The following AKAP6 variants were observed in gnomAD, a reference collection of about 807,000 sequenced individuals.
AKAP6 encodes the protein A-kinase anchoring protein 6, also known as A-kinase anchor protein 6.
Under a neutral mutation model 188.5 loss-of-function variants are expected in AKAP6, and 58 were observed. That is an observed-to-expected ratio of 0.31 (90% CI 0.25 to 0.38). The LOEUF (loss-of-function observed/expected upper bound fraction) is 0.38. AKAP6 is among the 10% of genes least tolerant of loss of function. The pLI is 1.00. For synonymous variants in AKAP6, 989 were observed against 998.6 expected, an observed-to-expected ratio of 0.99 and a Z score of 0.18; for missense variants, 2,710 against 2,740.0, an observed-to-expected ratio of 0.99 and a Z score of 0.24.
At chr14:32,530,860 C>G (rs1882379565) in intron 2 of AKAP6, among the ~76,000 whole-genome samples, 1 of 152,170 alleles carries the variant, frequency 6.6e-6, no homozygotes, top group Non-Finnish European at 1.5e-5. Flanking sequence ...ACCCCTCTCA[C>G]ATAAGCATAC....
chr14:32,695,724 G>A (rs1224948827), intron 8 of AKAP6, among the ~76,000 whole-genome samples: 2 of 152,096 alleles, frequency 1.3e-5, no homozygotes, highest in African/African-American at 4.8e-5. Context: ...CAAATCCTCA[G>A]AAAGGGTTAG....
At chr14:32,490,235 G>A (rs1879937765) in intron 2 of AKAP6, among the ~76,000 whole-genome samples, 1 of 151,550 alleles carries the variant, frequency 6.6e-6, no homozygotes, top group African/African-American at 2.4e-5. Context: ...CAGGCCATCT[G>A]GATGTATATG....
At chr14:32,689,309 A>C (rs892281859) in intron 8 of AKAP6, among the ~76,000 whole-genome samples, 1 of 152,090 alleles carries the variant, frequency 6.6e-6, no homozygotes, top group Non-Finnish European at 1.5e-5. Context: ...AGAATTTTTA[A>C]TGGATTATCT....
intron 1 of AKAP6, among the ~76,000 whole-genome samples, chr14:32,386,906 A>C (rs1313278214): frequency 6.6e-6 from 1 of 152,108 alleles, no homozygotes; most frequent in African/African-American, 2.4e-5. Flanking sequence ...GTGGAAGATC[A>C]GTTGGCTGTA....
chr14:32,587,809 G>A (rs1284236870), intron 5 of AKAP6, among the ~76,000 whole-genome samples: 1 of 152,182 alleles, frequency 6.6e-6, no homozygotes, highest in Non-Finnish European at 1.5e-5. Context: ...AGAAATTGCT[G>A]AGAGCTTCTC....
intron 12 of AKAP6, among the ~76,000 whole-genome samples, chr14:32,777,891 T>C (rs1009039809): frequency 1.3e-5 from 2 of 151,966 alleles, no homozygotes; most frequent in Admixed American, 6.6e-5. Context: ...ATACAAAAAT[T>C]AGGCAGGCCT....
intron 12 of AKAP6, among the ~76,000 whole-genome samples, chr14:32,788,630 G>A (rs2033507783): frequency 6.6e-6 from 1 of 152,012 alleles, no homozygotes; most frequent in African/African-American, 2.4e-5. Flanking sequence ...AGGAAACCAT[G>A]CTTCTCCCAT....
chr14:32,809,464 C>T (rs2034168439), intron 12 of AKAP6, among the ~76,000 whole-genome samples: 1 of 152,210 alleles, frequency 6.6e-6, no homozygotes, highest in African/African-American at 2.4e-5. Context: ...CCCAGCAAGC[C>T]TCCTTATTGT....
chr14:32,634,068 A>G (rs1887389069), intron 7 of AKAP6, among the ~76,000 whole-genome samples: 2 of 152,080 alleles, frequency 1.3e-5, no homozygotes, highest in African/African-American at 2.4e-5. Flanking sequence ...TTGTCTCACA[A>G]TCTCTACACA....
intron 4 of AKAP6, among the ~76,000 whole-genome samples, chr14:32,569,663 G>A (rs990364316): frequency 8.5e-5 from 13 of 152,076 alleles, no homozygotes; most frequent in Admixed American, 2.6e-4. Flanking sequence ...GCCCAAAAAC[G>A]GAAGATTATA....
chr14:32,472,540 A>AT (rs946328295), intron 2 of AKAP6, among the ~76,000 whole-genome samples: 3 of 152,200 alleles, frequency 2.0e-5, no homozygotes, highest in Non-Finnish European at 4.4e-5. Flanking sequence ...CAGCAGACTG[A>AT]TCCCTGTAAT....
chr14:32,424,301 G>A (rs1267937772), intron 1 of AKAP6, among the ~76,000 whole-genome samples: 1 of 151,458 alleles, frequency 6.6e-6, no homozygotes, highest in East Asian at 1.9e-4. Flanking sequence ...AACTTACCTT[G>A]TAGCTTAATC....
In AKAP6 at chr14:32,433,727, G is replaced by T. The variant is rs775616613; in HGVS notation, c.234G>T (p.Arg78=). The T allele has an allele frequency of 3.1e-6, 5 of 1,614,076 alleles. No individual in the cohort carries two copies. The African/African-American group carries it at 6.7e-5, about 22-fold the overall frequency. Residue 78 remains arginine, a synonymous_variant, in exon 2 of 14, where the codon CGG becomes CGT. Coordinates refer to ENST00000280979, the MANE Select transcript of AKAP6 (RefSeq NM_004274.5). ...TACCTGAAATTGAGACCTGGCTCCG[G>T]ATGACCTCAGAGAGGGTCCGAGACC... ...LHLPEIETWL[R]MTSERVRDLT...
chr14:32,762,481 G>A (rs1026434468), intron 11 of AKAP6, among the ~76,000 whole-genome samples: 1 of 152,052 alleles, frequency 6.6e-6, no homozygotes. Flanking sequence ...TTAAAAGTAT[G>A]TAACTTAGTT....
At chr14:32,589,409 A>C (rs1427043973) in intron 5 of AKAP6, among the ~76,000 whole-genome samples, 2 of 152,178 alleles carry the variant, frequency 1.3e-5, no homozygotes, top group African/African-American at 4.8e-5. Flanking sequence ...ACAGGGATGG[A>C]AGGGTCTTTC....
chr14:32,636,488 G>A (rs930155264), intron 7 of AKAP6, among the ~76,000 whole-genome samples: 15 of 152,000 alleles, frequency 9.9e-5, no homozygotes, highest in African/African-American at 3.4e-4. Flanking sequence ...AGTGGCATTC[G>A]TGGTTCAAAG....
chr14:32,397,507 A>G (rs1888920992), intron 1 of AKAP6, among the ~76,000 whole-genome samples: 1 of 151,078 alleles, frequency 6.6e-6, no homozygotes, highest in East Asian at 2.0e-4. Flanking sequence ...CCTCCTGAGT[A>G]GCTGGGACTA....
intron 2 of AKAP6, among the ~76,000 whole-genome samples, chr14:32,521,553 A>C (rs1342717413): frequency 6.6e-6 from 1 of 152,226 alleles, no homozygotes; most frequent in Non-Finnish European, 1.5e-5. Context: ...ACAGACAAAC[A>C]GAGAGCCAAA....
At chr14:32,630,973 T>TG (rs1400209138) in intron 7 of AKAP6, among the ~76,000 whole-genome samples, 1 of 152,088 alleles carries the variant, frequency 6.6e-6, no homozygotes, top group Non-Finnish European at 1.5e-5. Flanking sequence ...AAGATCCTTC[T>TG]GGTCTTTCTT....
Sources: gnomAD v4.1 joint callset for allele counts (sites outside exome capture counted in the v4.1 genomes callset) on GRCh38, gnomAD v4.1.1 for gene constraint, MANE v1.5 for transcripts, NCBI Gene and HGNC (gene_info 2026-07-23, HGNC 2026-07-21) for gene names.